LRRC7: variants seen among roughly 807,000 people sequenced by gnomAD.
LRRC7 encodes the protein leucine rich repeat containing 7, also known as leucine-rich repeat-containing protein 7.
A neutral mutation model predicts 175.7 loss-of-function variants in LRRC7; 23 were observed. That is an observed-to-expected ratio of 0.13 (90% CI 0.09 to 0.19). LRRC7 has a LOEUF of 0.19. Ranked by LOEUF, LRRC7 falls within the 10% of genes least tolerant of loss-of-function variation. The pLI is 1.00. For missense variants in LRRC7, 1,354 were observed against 1,904.7 expected, an observed-to-expected ratio of 0.71 and a Z score of 5.38; for synonymous variants, 685 against 680.9, an observed-to-expected ratio of 1.01 and a Z score of -0.09.
chr1:69,999,141 C>T (rs767186904), intron 11 of LRRC7, among the ~76,000 whole-genome samples: 9 of 152,206 alleles, frequency 5.9e-5, no homozygotes, highest in Non-Finnish European at 1.3e-4. Context: ...CCTTTGAAAT[C>T]TTCCTGGTAG....
At chr1:69,922,575 AT>A (rs1646923845) in intron 7 of LRRC7, among the ~76,000 whole-genome samples, 1 of 152,136 alleles carries the variant, frequency 6.6e-6, no homozygotes, top group Non-Finnish European at 1.5e-5. Context: ...AAATCAATGT[AT>A]TTTTGTTATG....
intron 13 of LRRC7, chr1:70,014,129 T>G (rs1464045592): frequency 2.0e-5 from 3 of 151,996 alleles, no homozygotes; most frequent in African/African-American, 7.2e-5. Context: ...CTTCCTCTTC[T>G]GACTGTGTTA....
rs12081307 is a variant in LRRC7, at chr1:70,127,623, C to G, written c.*5736C>G. On this transcript the variant is annotated 3_prime_UTR_variant, in exon 27 of 27. Coordinates refer to ENST00000651989, the MANE Select transcript of LRRC7 (RefSeq NM_001370785.2). ...AGCTCATGCTCTTTGTAACAACACA[C>G]TGAGCACTAAGCAATGTAAGAAATG... 1.3e-5 allele frequency among the ~76,000 whole-genome samples: 2 copies of G among 152,166 alleles called. No individual in the cohort carries two copies. Among genetic ancestry groups the G allele is most frequent in the Non-Finnish European group, 2.9e-5 (2 of 68,026 alleles).
intron 10 of LRRC7, among the ~76,000 whole-genome samples, chr1:69,991,102 G>A (rs748818820): frequency 4.6e-5 from 7 of 150,546 alleles, no homozygotes; most frequent in Non-Finnish European, 1.0e-4. Flanking sequence ...GTTGCAGAGA[G>A]CTATGATTGT....
At chr1:69,703,261 G>C (rs1037566087) in intron 2 of LRRC7, among the ~76,000 whole-genome samples, 1 of 151,716 alleles carries the variant, frequency 6.6e-6, no homozygotes, top group Non-Finnish European at 1.5e-5. Flanking sequence ...TAAATTATAA[G>C]TAGTAAAATT....
chr1:70,049,031 T>C (rs912397583), intron 22 of LRRC7, among the ~76,000 whole-genome samples: 4 of 152,156 alleles, frequency 2.6e-5, no homozygotes, highest in African/African-American at 9.7e-5. Flanking sequence ...TTTTTTAATT[T>C]CTACCACCAT....
At chr1:69,994,715 T>A in intron 11 of LRRC7, 82 bp downstream of exon 11, 1 of 885,078 alleles carries the variant, frequency 1.1e-6, no homozygotes, top group Non-Finnish European at 1.8e-6. Context: ...TTCAAAACAT[T>A]TTCTACTAAA....
chr1:69,949,484 G>C (rs1312448639), intron 8 of LRRC7, among the ~76,000 whole-genome samples: 1 of 152,114 alleles, frequency 6.6e-6, no homozygotes, highest in Non-Finnish European at 1.5e-5. Flanking sequence ...TTGGCCCTGG[G>C]AGGCAGAGGT....
chr1:70,116,979 G>A (rs1008826053), intron 26 of LRRC7, among the ~76,000 whole-genome samples: 29 of 152,278 alleles, frequency 1.9e-4, no homozygotes, highest in African/African-American at 7.0e-4. Flanking sequence ...TTTGGTCACT[G>A]CATTATTTCA....
intron 7 of LRRC7, among the ~76,000 whole-genome samples, chr1:69,889,070 C>T (rs1356613582): frequency 1.3e-5 from 2 of 152,180 alleles, no homozygotes; most frequent in African/African-American, 2.4e-5. Context: ...AAACAATATA[C>T]ATATCCTAAT....
intron 1 of LRRC7, among the ~76,000 whole-genome samples, chr1:69,621,643 C>G (rs1248786476): frequency 1.3e-5 from 2 of 152,070 alleles, no homozygotes; most frequent in Non-Finnish European, 2.9e-5. Context: ...TTCAAATTGC[C>G]TTGTCAGGTT....
intron 1 of LRRC7, among the ~76,000 whole-genome samples, chr1:69,579,669 G>T (rs1207896986): frequency 6.6e-6 from 1 of 152,054 alleles, no homozygotes; most frequent in Non-Finnish European, 1.5e-5. Flanking sequence ...AATGACTCTT[G>T]TAGCCATTAG....
chr1:70,136,497 C>T lies in LRRC7; in HGVS notation c.*14610C>T, dbSNP rs951168706. ...AATTTAATCAACAAATGTTAATGAA[C>T]AAGGGGTTATGTTCAAAATTCTATT... On this transcript the variant is annotated 3_prime_UTR_variant, in exon 27 of 27. Transcript: ENST00000651989. 6.6e-5 allele frequency among the ~76,000 whole-genome samples: 10 copies of T among 151,888 alleles called. No homozygotes were observed. The highest frequency in any genetic ancestry group is 1.9e-4 in the East Asian group (1 of 5,174).
chr1:69,747,069 C>T (rs1669333443), intron 2 of LRRC7, among the ~76,000 whole-genome samples: 1 of 152,110 alleles, frequency 6.6e-6, no homozygotes, highest in Admixed American at 6.6e-5. Flanking sequence ...AGAAGGACAT[C>T]AATCACATTG....
At chr1:69,632,157 C>T (rs1322011366) in intron 1 of LRRC7, among the ~76,000 whole-genome samples, 1 of 152,116 alleles carries the variant, frequency 6.6e-6, no homozygotes, top group African/African-American at 2.4e-5. Context: ...GGACCCCATG[C>T]ATTTCTTCCT....
At chr1:69,935,253 C>T (rs1354134480) in intron 8 of LRRC7, among the ~76,000 whole-genome samples, 1 of 152,028 alleles carries the variant, frequency 6.6e-6, no homozygotes, top group African/African-American at 2.4e-5. Flanking sequence ...AAAAGAATAA[C>T]TGGGGAGGAC....
At chr1:69,863,155 C>T (rs1377206428) in intron 7 of LRRC7, among the ~76,000 whole-genome samples, 10 of 152,070 alleles carry the variant, frequency 6.6e-5, no homozygotes, top group Admixed American at 6.5e-4. Context: ...CTGTCTATTT[C>T]GCTTATTCAT....
At chr1:70,030,045 C>A (rs753729633) in intron 18 of LRRC7, among the ~76,000 whole-genome samples, 7 of 152,170 alleles carry the variant, frequency 4.6e-5, no homozygotes, top group East Asian at 1.9e-4. Context: ...CTATCTCTTC[C>A]AAATAATTAC....
At chr1:69,684,758 G>A (rs1196555791) in intron 2 of LRRC7, among the ~76,000 whole-genome samples, 1 of 152,102 alleles carries the variant, frequency 6.6e-6, no homozygotes, top group Non-Finnish European at 1.5e-5. Flanking sequence ...GAAAAAAAAA[G>A]CAAAGCCTAC....
Sources: allele counts gnomAD v4.1 joint callset (sites outside exome capture counted in the v4.1 genomes callset), GRCh38; gene constraint gnomAD v4.1.1; transcripts MANE v1.5; gene names NCBI Gene and HGNC (gene_info 2026-07-23, HGNC 2026-07-21).